Variants in SYMPK observed in about 807,000 individuals in gnomAD.
SYMPK encodes symplekin.
SYMPK carries 49 observed loss-of-function variants against 136.4 expected under a neutral mutation model. The ratio of observed to expected loss-of-function variants is 0.36; its 90% CI spans 0.29 to 0.46. The LOEUF (loss-of-function observed/expected upper bound fraction) is 0.46. Among genes scored for constraint, SYMPK ranks in the 20% least tolerant of loss-of-function variants. The pLI is 1.00. For missense variants in SYMPK, 1,365 were observed against 1,690.0 expected (o/e 0.81, Z 3.37); for synonymous variants, 766 against 713.0 (o/e 1.07, Z -1.19).
In SYMPK at chr19:45,848,009, C is replaced by A; in HGVS notation, c.427-8G>T. The A allele has an allele frequency of 6.4e-7, 1 of 1,571,912 alleles. No homozygotes were observed. Among genetic ancestry groups the A allele is most frequent in the Non-Finnish European group, 8.7e-7 (1 of 1,152,376 alleles). ...CCGTGACTTTACCATCCACTGCCAG[C>A]AGGCCAGGAAGGAATGGAAGAGACA... On this transcript the variant is annotated splice_polypyrimidine_tract_variant and splice_region_variant and intron_variant, in intron 6 of 26. Transcript: ENST00000245934.
chr19:45,817,404 GT>G (rs1198833459), intron 23 of SYMPK, among the ~76,000 whole-genome samples: 1 of 142,196 alleles, frequency 7.0e-6, no homozygotes, highest in African/African-American at 2.6e-5. Flanking sequence ...GCGGGGTTTG[GT>G]TTTTTTGTTC....
chr19:45,858,040 C>A (rs978249493), intron 1 of SYMPK, among the ~76,000 whole-genome samples: 6 of 152,128 alleles, frequency 3.9e-5, no homozygotes, highest in Non-Finnish European at 8.8e-5. Context: ...CTCAGGTGAT[C>A]TGCCCACCTT....
At chr19:45,839,060 T>G (rs985355503) in intron 9 of SYMPK, among the ~76,000 whole-genome samples, 1 of 152,170 alleles carries the variant, frequency 6.6e-6, no homozygotes, top group African/African-American at 2.4e-5. Context: ...CTAATTTTTT[T>G]GTATTTTTAG....
At chr19:45,824,341 CCCAGTAACGTTTACGCT>C (rs1970986272) in intron 18 of SYMPK, among the ~76,000 whole-genome samples, 1 of 152,174 alleles carries the variant, frequency 6.6e-6, no homozygotes, top group Non-Finnish European at 1.5e-5. Context: ...TCCACCTCTG[CCCAGTAACGTTTACGCT>C]CCTGACTAAA....
intron 14 of SYMPK, 63 bp downstream of exon 14, chr19:45,828,903 AAAGG>A (rs1971106799): frequency 6.6e-7 from 1 of 1,509,410 alleles, no homozygotes; most frequent in African/African-American, 1.4e-5. Flanking sequence ...TCGCAATCAG[AAAGG>A]GAGGGCAGCA....
chr19:45,829,086 G>C lies in SYMPK; in HGVS notation c.1869C>G (p.Leu623=). Residue 623 remains leucine, a synonymous_variant, in exon 14 of 27, where the codon CTC becomes CTG. Coordinates refer to ENST00000245934, the MANE Select transcript of SYMPK (RefSeq NM_004819.3). ...RARLDLAFAW[L]YQEYNAYLAA... ...CCAGGTAGGCGTTGTACTCCTGGTA[G>C]AGCCAGGCGAAGGCCAGGTCCAGGC... The C allele has an allele frequency of 6.2e-7, 1 of 1,614,220 alleles. No homozygotes were observed. Among genetic ancestry groups the C allele is most frequent in the Non-Finnish European group, 8.5e-7 (1 of 1,180,054 alleles).
chr19:45,862,057 C>G (rs1485341243), intron 1 of SYMPK: 2 of 151,334 alleles, frequency 1.3e-5, no homozygotes, highest in Non-Finnish European at 2.9e-5. Context: ...AAAGAAAAAG[C>G]ATATACAATA....
At position 45,818,109 on chromosome 19, in the gene SYMPK, C is replaced by T. The variant is rs1315962076; in HGVS notation, c.2931G>A (p.Thr977=). Residue 977 remains threonine (T), a synonymous_variant, in exon 23 of 27, where the codon ACG becomes ACA. Coordinates refer to ENST00000245934, the MANE Select transcript of SYMPK (RefSeq NM_004819.3). The part of the protein sequence containing the change: ...NLCFAERNVY[T]SEVLAVVMQQ... ...GCATCACCACGGCCAGCACCTCTGA[C>T]GTGTACACGTTCCGCTCCGCAAAGC... 4 of 1,555,458 alleles carry T rather than the reference C, an allele frequency of 2.6e-6. No individual in the cohort carries two copies. Among genetic ancestry groups the T allele is most frequent in the South Asian group, 2.4e-5 (2 of 84,332 alleles).
intron 9 of SYMPK, among the ~76,000 whole-genome samples, chr19:45,838,955 C>T (rs558384432): frequency 2.6e-5 from 4 of 152,294 alleles, no homozygotes; most frequent in East Asian, 3.9e-4. Flanking sequence ...GGCATGATTT[C>T]GGCTCATTGT....
Position 45,816,029 on chromosome 19 carries a change from G to T in SYMPK, c.3509C>A (p.Ser1170Tyr). ...KPGGVGAPSSSSPSPSPSARP... is the reference protein window; with the variant it reads ...KPGGVGAPSSYSPSPSPSARP... ...GGCCGACGGAGAGGGAGAGGGGGAGGAAGAGGAGGGGGCTCCCACTCCTCC... is the reference window on the plus strand; with the variant it reads ...GGCCGACGGAGAGGGAGAGGGGGAGTAAGAGGAGGGGGCTCCCACTCCTCC... The change falls in exon 26 of 27, where the codon TCC becomes TAC. Residue 1170 changes from serine (S) to tyrosine (Y), a missense_variant. Ser to Tyr is a moderately radical substitution (Grantham distance 144). Around this residue, in one of 11 missense-constraint regions of SYMPK, gnomAD observed 341 missense variants for 270.5 expected, o/e 1.26. Coordinates refer to ENST00000245934, the MANE Select transcript of SYMPK (RefSeq NM_004819.3). 2.5e-6 allele frequency: 4 copies of T among 1,586,200 alleles called. No individual in the cohort carries two copies. Among genetic ancestry groups the T allele is most frequent in the Non-Finnish European group, 3.4e-6 (4 of 1,166,128 alleles).
chr19:45,841,739 A>G (rs1377833121), intron 9 of SYMPK, among the ~76,000 whole-genome samples: 1 of 152,232 alleles, frequency 6.6e-6, no homozygotes, highest in African/African-American at 2.4e-5. Flanking sequence ...ATTACTTCAG[A>G]AAGAAAATTA....
chr19:45,835,326 G>C, intron 10 of SYMPK, 98 bp from the exon 11 acceptor site: 1 of 1,281,696 alleles, frequency 7.8e-7, no homozygotes. Flanking sequence ...CAGTGCCTAA[G>C]ACCGACTTGG....
chr19:45,831,313 G>A (rs1166038544), intron 12 of SYMPK, 71 bp downstream of exon 12: 11 of 1,283,818 alleles, frequency 8.6e-6, no homozygotes, highest in South Asian at 3.3e-5. Flanking sequence ...ACACGCACAC[G>A]CACACGAGCT....
intron 23 of SYMPK, among the ~76,000 whole-genome samples, chr19:45,817,691 G>A (rs1402641246): frequency 6.6e-6 from 1 of 152,148 alleles, no homozygotes; most frequent in South Asian, 2.1e-4. Flanking sequence ...GGCACACAGC[G>A]GTGGAGGGTG....
At chr19:45,848,421 C>T (rs1971618332) in intron 6 of SYMPK, among the ~76,000 whole-genome samples, 1 of 152,242 alleles carries the variant, frequency 6.6e-6, no homozygotes, top group Admixed American at 6.5e-5. Context: ...CTACCTCCCT[C>T]CTTGGGTTAT....
intron 13 of SYMPK, among the ~76,000 whole-genome samples, 179 bp from the exon 14 acceptor site, chr19:45,829,384 T>TG (rs1971119164): frequency 6.9e-6 from 1 of 145,054 alleles, no homozygotes; most frequent in Admixed American, 6.8e-5. Flanking sequence ...TGTTGGGGGG[T>TG]GGGGGTACCA....
Position 45,830,093 on chromosome 19 carries a change from C to T in SYMPK, c.1710G>A (p.Leu570=), listed in dbSNP as rs1451854087. Residue 570 remains leucine (L), a synonymous_variant, in exon 13 of 27, where the codon CTG becomes CTA. Coordinates refer to ENST00000245934, the MANE Select transcript of SYMPK (RefSeq NM_004819.3). ...TGCAGGCCACAGCCTTCTCAGCCCGCAGGATCCGCTTCACAGCGCCCAGCT... is the reference window on the plus strand; with the variant it reads ...TGCAGGCCACAGCCTTCTCAGCCCGTAGGATCCGCTTCACAGCGCCCAGCT... ...AMKLGAVKRI[L]RAEKAVACSG... 6.4e-7 allele frequency: 1 copy of T among 1,568,224 alleles called. No individual in the cohort carries two copies. Among genetic ancestry groups the T allele is most frequent in the Non-Finnish European group, 8.7e-7 (1 of 1,155,082 alleles).
intron 11 of SYMPK, among the ~76,000 whole-genome samples, chr19:45,832,950 C>G (rs1158207730): frequency 6.7e-6 from 1 of 148,592 alleles, no homozygotes; most frequent in Non-Finnish European, 1.5e-5. Flanking sequence ...ACCCAGGAGG[C>G]AGAAGTTGCG....
chr19:45,856,909 G>C (rs1971834661), intron 1 of SYMPK, among the ~76,000 whole-genome samples: 1 of 151,936 alleles, frequency 6.6e-6, no homozygotes, highest in African/African-American at 2.4e-5. Context: ...CTGAGGTCAG[G>C]AGTTCGAGAC....
Sources: gnomAD v4.1 joint callset for allele counts (sites outside exome capture counted in the v4.1 genomes callset) on GRCh38, gnomAD v4.1.1 for gene constraint, gnomAD v4.1.1 regional missense constraint, MANE v1.5 for transcripts, NCBI Gene and HGNC (gene_info 2026-07-23, HGNC 2026-07-21) for gene names.